CDH12: variants seen among roughly 807,000 people sequenced by gnomAD.
The protein encoded by CDH12 is cadherin-12.
CDH12 carries 41 observed loss-of-function variants against 74.1 expected under a neutral mutation model. The observed-to-expected ratio is 0.55, with a 90% confidence interval of 0.43 to 0.72. The LOEUF is 0.72. Ranked by LOEUF, CDH12 falls within the 30% of genes least tolerant of loss-of-function variation. The probability of loss-of-function intolerance (pLI) is 0.00; values close to 1 mark genes in which losing one functional copy is unlikely to be tolerated. For synonymous variants in CDH12, 399 were observed against 355.0 expected, an observed-to-expected ratio of 1.12 and a Z score of -1.39; for missense variants, 945 against 977.2, an observed-to-expected ratio of 0.97 and a Z score of 0.44.
intron 3 of CDH12, among the ~76,000 whole-genome samples, chr5:22,269,020 T>C (rs999505121): frequency 6.6e-6 from 1 of 152,078 alleles, no homozygotes; most frequent in Non-Finnish European, 1.5e-5. Context: ...AGATGCTTTA[T>C]GAACCTGGAC....
At chr5:22,786,185 G>T (rs902345630) in intron 1 of CDH12, among the ~76,000 whole-genome samples, 39 of 152,148 alleles carry the variant, frequency 2.6e-4, no homozygotes, top group African/African-American at 8.9e-4. Context: ...GGAGCTGGAG[G>T]ACATGATCCT....
intron 3 of CDH12, among the ~76,000 whole-genome samples, chr5:22,217,104 T>C (rs1751833106): frequency 6.6e-6 from 1 of 151,984 alleles, no homozygotes; most frequent in African/African-American, 2.4e-5. Context: ...AATAACATTA[T>C]AGCAAGGATG....
Position 22,204,379 on chromosome 5 carries a change from T to A in CDH12, c.-187+8119A>T, listed in dbSNP as rs545408871. On this transcript the variant is annotated intron_variant, in intron 4 of 14. Transcript: ENST00000382254. ...GGTTTCACCGTGTTAGCCAGGATGGTCTTGATCTCCTGACCTCATGATCCG... is the reference window on the plus strand; with the variant it reads ...GGTTTCACCGTGTTAGCCAGGATGGACTTGATCTCCTGACCTCATGATCCG... Among the ~76,000 whole-genome samples, 25 of 152,270 alleles carry A rather than the reference T, an allele frequency of 1.6e-4. No individual in the cohort carries two copies. The East Asian group carries it at 4.4e-3, about 27-fold the overall frequency.
intron 2 of CDH12, among the ~76,000 whole-genome samples, chr5:22,457,241 G>A (rs1745313975): frequency 6.6e-6 from 1 of 152,108 alleles, no homozygotes; most frequent in South Asian, 2.1e-4. Context: ...AAACTGGGTG[G>A]ATCACAACAA....
chr5:21,894,737 AC>A lies in CDH12; in HGVS notation c.527-39948del, dbSNP rs370202896. The stretch of plus-strand genomic sequence containing the variant: ...CAGGTTTTTTTGACCAGCATTTAAA[AC>A]CAAGGCAGAGTTTATTTATCTTTCA... On this transcript the variant is annotated intron_variant, in intron 6 of 14. Transcript: ENST00000382254. 5.4e-3 allele frequency among the ~76,000 whole-genome samples: 820 copies of A among 152,234 alleles called. 12 individuals carry two copies. The highest frequency in any genetic ancestry group is 0.019 in the African/African-American group (790 of 41,534).
intron 1 of CDH12, among the ~76,000 whole-genome samples, chr5:22,791,171 T>G (rs756771619): frequency 3.3e-5 from 5 of 152,212 alleles, no homozygotes; most frequent in Non-Finnish European, 7.3e-5. Flanking sequence ...AGCAGTTAAA[T>G]TCTCCGGAAG....
intron 3 of CDH12, among the ~76,000 whole-genome samples, chr5:22,318,242 T>C (rs1256478672): frequency 6.6e-6 from 1 of 152,190 alleles, no homozygotes; most frequent in African/African-American, 2.4e-5. Context: ...ACAGCTTTGT[T>C]GCTGGTATAT....
At chr5:22,719,650 G>C (rs914649093) in intron 1 of CDH12, among the ~76,000 whole-genome samples, 60 of 152,178 alleles carry the variant, frequency 3.9e-4, no homozygotes, top group Admixed American at 7.2e-4. Flanking sequence ...GCTTTGCTAA[G>C]TGCAGGAGGC....
intron 2 of CDH12, among the ~76,000 whole-genome samples, chr5:22,466,105 T>C (rs566057140): frequency 3.0e-4 from 45 of 152,302 alleles, no homozygotes; most frequent in African/African-American, 1.0e-3. Flanking sequence ...TCTTACTTTT[T>C]CTCTAACCTG....
At chr5:21,959,778 T>A (rs1164189517) in intron 6 of CDH12, among the ~76,000 whole-genome samples, 5 of 138,876 alleles carry the variant, frequency 3.6e-5, no homozygotes, top group African/African-American at 2.8e-5. Flanking sequence ...AAAAAAAAAT[T>A]AGCTGGGCTT....
intron 5 of CDH12, among the ~76,000 whole-genome samples, chr5:22,034,874 T>A (rs1303064660): frequency 6.6e-6 from 1 of 152,160 alleles, no homozygotes; most frequent in Non-Finnish European, 1.5e-5. Context: ...CTTTTTGATG[T>A]CCTGAATAAG....
chr5:22,070,265 A>G (rs1741856670), intron 5 of CDH12, among the ~76,000 whole-genome samples: 1 of 152,104 alleles, frequency 6.6e-6, no homozygotes, highest in Non-Finnish European at 1.5e-5. Flanking sequence ...GTGTATTTTC[A>G]TTGCATGCAA....
At chr5:22,664,471 A>C (rs966925518) in intron 1 of CDH12, among the ~76,000 whole-genome samples, 2 of 152,288 alleles carry the variant, frequency 1.3e-5, no homozygotes, top group Admixed American at 6.5e-5. Flanking sequence ...TGTCACGAGA[A>C]GAGCATGGGG....
intron 11 of CDH12, among the ~76,000 whole-genome samples, chr5:21,782,063 A>G (rs1745946396): frequency 6.6e-6 from 1 of 152,234 alleles, no homozygotes; most frequent in African/African-American, 2.4e-5. Flanking sequence ...TGAACTTTAC[A>G]CTGTGGTATC....
At chr5:22,247,589 C>T (rs746107673) in intron 3 of CDH12, among the ~76,000 whole-genome samples, 2 of 151,872 alleles carry the variant, frequency 1.3e-5, no homozygotes, top group African/African-American at 4.8e-5. Context: ...GCAGGAGAAT[C>T]GCTTGAACCT....
At chr5:22,346,013 A>G (rs1282605323) in intron 3 of CDH12, among the ~76,000 whole-genome samples, 3 of 151,686 alleles carry the variant, frequency 2.0e-5, no homozygotes, top group African/African-American at 7.2e-5. Flanking sequence ...GGCTGAGGCA[A>G]GAGAATCACT....
chr5:21,883,189 C>T, intron 6 of CDH12: 1 of 1,448,962 alleles, frequency 6.9e-7, no homozygotes, highest in East Asian at 2.3e-5. Context: ...GGTGTCATCA[C>T]AGTAAAGGAT....
intron 6 of CDH12, among the ~76,000 whole-genome samples, chr5:21,945,710 T>G (rs1755547926): frequency 6.6e-6 from 1 of 151,436 alleles, no homozygotes; most frequent in South Asian, 2.1e-4. Flanking sequence ...TCTGAAAACA[T>G]GCCAACAGAA....
intron 3 of CDH12, among the ~76,000 whole-genome samples, chr5:22,359,099 T>G (rs922245306): frequency 3.9e-5 from 6 of 152,012 alleles, no homozygotes. Context: ...TAAATGTAAA[T>G]GGGCTAAATG....
Sources: gnomAD v4.1 joint callset for allele counts (sites outside exome capture counted in the v4.1 genomes callset) on GRCh38, gnomAD v4.1.1 for gene constraint, MANE v1.5 for transcripts, NCBI Gene and HGNC (gene_info 2026-07-23, HGNC 2026-07-21) for gene names.